SNX29: variants seen among roughly 807,000 people sequenced by gnomAD.
SNX29 encodes the protein sorting nexin-29.
Under a neutral mutation model 102.1 loss-of-function variants are expected in SNX29, and 78 were observed. The observed-to-expected ratio is 0.76, with a 90% CI of 0.64 to 0.92. The LOEUF (loss-of-function observed/expected upper bound fraction) is 0.92, where lower values mean the gene tolerates loss of function less well. SNX29 is among the 40% of genes least tolerant of loss of function. The probability of loss-of-function intolerance (pLI) is 0.00; values close to 1 mark genes in which losing one functional copy is unlikely to be tolerated. For missense variants in SNX29, 1,280 were observed against 1,061.7 expected, an observed-to-expected ratio of 1.21 and a Z score of -2.86; for synonymous variants, 580 against 414.5, an observed-to-expected ratio of 1.40 and a Z score of -4.85.
At chr16:12,567,772 A>G (rs530600534) in intron 20 of SNX29, among the ~76,000 whole-genome samples, 14 of 152,120 alleles carry the variant, frequency 9.2e-5, no homozygotes, top group Non-Finnish European at 2.1e-4. Flanking sequence ...AGAAAATACA[A>G]TTTTGAAAAA....
chr16:12,465,596 G>C (rs952084917), intron 18 of SNX29, among the ~76,000 whole-genome samples: 2 of 152,074 alleles, frequency 1.3e-5, no homozygotes, highest in African/African-American at 4.8e-5. Context: ...AGCAGCAAAC[G>C]ATTACTGTCG....
At chr16:12,049,311 A>G (rs1398008993) in intron 7 of SNX29, among the ~76,000 whole-genome samples, 1 of 150,352 alleles carries the variant, frequency 6.7e-6, no homozygotes, top group Non-Finnish European at 1.5e-5. Context: ...CAATGCAGTG[A>G]GACCCTGTCT....
chr16:12,411,105 C>T (rs1597284261), intron 18 of SNX29, among the ~76,000 whole-genome samples: 1 of 152,228 alleles, frequency 6.6e-6, no homozygotes, highest in Admixed American at 6.5e-5. Flanking sequence ...TGAGAAGCCT[C>T]TGCCTTAGCA....
chr16:12,328,491 G>A (rs1181352500), intron 15 of SNX29, among the ~76,000 whole-genome samples: 1 of 152,140 alleles, frequency 6.6e-6, no homozygotes, highest in Admixed American at 6.5e-5. Flanking sequence ...CTGCCCCAAA[G>A]CACTTGACTC....
intron 17 of SNX29, among the ~76,000 whole-genome samples, chr16:12,402,446 G>A (rs757624237): frequency 6.6e-6 from 1 of 152,230 alleles, no homozygotes; most frequent in Non-Finnish European, 1.5e-5. Flanking sequence ...CCCTGGAACA[G>A]CTCTAATTAG....
intron 12 of SNX29, among the ~76,000 whole-genome samples, chr16:12,127,459 T>TATC (rs1242774517): frequency 6.8e-6 from 1 of 147,458 alleles, no homozygotes; most frequent in Admixed American, 6.8e-5. Context: ...TCTGGCTCTG[T>TATC]CACCCAGGCT....
At chr16:12,219,717 C>T (rs570992624) in intron 14 of SNX29, among the ~76,000 whole-genome samples, 1 of 152,356 alleles carries the variant, frequency 6.6e-6, no homozygotes, top group Admixed American at 6.5e-5. Context: ...AAGTGACGCA[C>T]AGACCAGTTT....
intron 20 of SNX29, among the ~76,000 whole-genome samples, chr16:12,551,460 G>A (rs558525724): frequency 6.2e-4 from 94 of 152,292 alleles, no homozygotes; most frequent in African/African-American, 1.9e-3. Flanking sequence ...TAAAAATACA[G>A]AGGCCAGGCC....
At chr16:12,413,749 G>GC (rs1388566881) in intron 18 of SNX29, among the ~76,000 whole-genome samples, 1 of 152,216 alleles carries the variant, frequency 6.6e-6, no homozygotes, top group Non-Finnish European at 1.5e-5. Flanking sequence ...CAGGCGCCCT[G>GC]CCCCGCACTT....
At chr16:12,202,331 T>C (rs2076933429) in intron 14 of SNX29, among the ~76,000 whole-genome samples, 1 of 152,014 alleles carries the variant, frequency 6.6e-6, no homozygotes, top group East Asian at 1.9e-4. Flanking sequence ...TAATGGAAAG[T>C]TTTTTTTGTT....
intron 13 of SNX29, among the ~76,000 whole-genome samples, chr16:12,164,021 A>C (rs148633131): frequency 6.6e-6 from 1 of 152,188 alleles, no homozygotes; most frequent in Non-Finnish European, 1.5e-5. Flanking sequence ...CAAAGGACCT[A>C]TGGAGTGGGA....
At chr16:12,198,858 G>A (rs932958708) in intron 13 of SNX29, among the ~76,000 whole-genome samples, 1 of 152,234 alleles carries the variant, frequency 6.6e-6, no homozygotes, top group African/African-American at 2.4e-5. Context: ...TGAATGAGTG[G>A]ATGCATGCTT....
At position 12,491,855 on chromosome 16, in the gene SNX29, G is replaced by A. The variant is rs534818102; in HGVS notation, c.2178+13996G>A. 1.9e-4 allele frequency among the ~76,000 whole-genome samples: 29 copies of A among 152,274 alleles called. No individual in the cohort carries two copies. In the South Asian group the frequency reaches 2.1e-3, roughly 11 times the overall value. The stretch of plus-strand genomic sequence containing the variant: ...TCATCCATGTCTGTACAAAGGACAC[G>A]AACTCATCATTTTTTATGGCTGCAT... On this transcript the variant is annotated intron_variant, in intron 19 of 20. Coordinates refer to ENST00000566228, the MANE Select transcript of SNX29 (RefSeq NM_032167.5).
rs545858208 is a variant in SNX29 at position 11,982,637 on chromosome 16, G to C, written c.7+5824G>C. On this transcript the variant is annotated intron_variant, in intron 1 of 20. Coordinates refer to ENST00000566228, the MANE Select transcript of SNX29 (RefSeq NM_032167.5). ...GTAGAGATGGGGTTTCACCATGTTA[G>C]CCAGGACGGTCTCGATCTCCTGACC... is the stretch of plus-strand genomic sequence containing the variant. Among the ~76,000 whole-genome samples, 4 of 152,098 alleles carry C rather than the reference G, an allele frequency of 2.6e-5. No individual in the cohort carries two copies. In the East Asian group the frequency reaches 7.7e-4, roughly 29 times the overall value.
At chr16:11,995,515 G>A (rs764745327) in intron 1 of SNX29, among the ~76,000 whole-genome samples, 3 of 151,950 alleles carry the variant, frequency 2.0e-5, no homozygotes, top group African/African-American at 4.8e-5. Context: ...ACAATCTCGG[G>A]TAGTTTTTGT....
Position 12,272,446 on chromosome 16 carries a change from C to A in SNX29, c.1679-5487C>A, listed in dbSNP as rs80138192. Reference sequence around the variant, plus strand: ...ATTTTGCGTATGTATTAGCACCAGGCTCTGCTGAGCAGCTGCAGCCAGCTT... The same window carrying A: ...ATTTTGCGTATGTATTAGCACCAGGATCTGCTGAGCAGCTGCAGCCAGCTT... On this transcript the variant is annotated intron_variant, in intron 14 of 20. Coordinates refer to ENST00000566228, the MANE Select transcript of SNX29 (RefSeq NM_032167.5). 6.9e-3 allele frequency among the ~76,000 whole-genome samples: 1,048 copies of A among 152,348 alleles called. 13 individuals carry two copies. The highest frequency in any genetic ancestry group is 0.024 in the African/African-American group (993 of 41,578).
intron 3 of SNX29, among the ~76,000 whole-genome samples, chr16:12,023,562 A>T (rs1476111047): frequency 6.6e-6 from 1 of 150,642 alleles, no homozygotes; most frequent in Non-Finnish European, 1.5e-5. Context: ...TGGGTAACAG[A>T]GCAAGACCCT....
At chr16:12,535,372 G>A (rs984674154) in intron 20 of SNX29, among the ~76,000 whole-genome samples, 5 of 152,248 alleles carry the variant, frequency 3.3e-5, no homozygotes, top group Admixed American at 2.6e-4. Flanking sequence ...CTGGCCTCAA[G>A]TGATTCACCC....
At chr16:12,183,800 T>G (rs568475040) in intron 13 of SNX29, among the ~76,000 whole-genome samples, 12 of 152,306 alleles carry the variant, frequency 7.9e-5, no homozygotes, top group African/African-American at 2.9e-4. Flanking sequence ...TAGAACAGTT[T>G]GCAGTAAAGA....
Sources: allele counts gnomAD v4.1 joint callset (sites outside exome capture counted in the v4.1 genomes callset), GRCh38; gene constraint gnomAD v4.1.1; transcripts MANE v1.5; gene names NCBI Gene and HGNC (gene_info 2026-07-23, HGNC 2026-07-21).